The following CNNM2 variants were observed in gnomAD, a reference collection of about 807,000 sequenced individuals.
The protein encoded by CNNM2 is metal transporter CNNM2.
Under a neutral mutation model 66.9 loss-of-function variants are expected in CNNM2, and 12 were observed. The observed-to-expected ratio is 0.18, with a 90% CI of 0.11 to 0.29. The LOEUF (loss-of-function observed/expected upper bound fraction) is 0.29, where lower values mean the gene tolerates loss of function less well. Ranked by LOEUF, CNNM2 falls within the 10% of genes least tolerant of loss-of-function variation. The probability of loss-of-function intolerance (pLI) is 1.00; values close to 1 mark genes in which losing one functional copy is unlikely to be tolerated. For missense variants in CNNM2, 705 were observed against 1,167.7 expected (o/e 0.60, Z 5.77); for synonymous variants, 557 against 501.8 (o/e 1.11, Z -1.47).
chr10:103,019,139 T>A (rs1040143100), intron 1 of CNNM2, among the ~76,000 whole-genome samples: 1 of 151,616 alleles, frequency 6.6e-6, no homozygotes. Flanking sequence ...TGTGGTGGCA[T>A]ACACCTGTAG....
intron 1 of CNNM2, among the ~76,000 whole-genome samples, chr10:103,045,310 G>T (rs2065108836): frequency 6.6e-6 from 1 of 152,134 alleles, no homozygotes; most frequent in South Asian, 2.1e-4. Context: ...GCATGCTAGG[G>T]ATGAAGATTG....
chr10:103,063,705 C>A, intron 4 of CNNM2, among the ~76,000 whole-genome samples: 1 of 152,270 alleles, frequency 6.6e-6, no homozygotes, highest in Non-Finnish European at 1.5e-5. Flanking sequence ...CTTCCAAGTT[C>A]GTCAGTTTAT....
intron 1 of CNNM2, among the ~76,000 whole-genome samples, chr10:102,954,175 TG>T (rs1444000072): frequency 3.3e-5 from 5 of 150,326 alleles, no homozygotes; most frequent in Non-Finnish European, 4.4e-5. Context: ...ATCAGGAGGC[TG>T]GAGTGCAGTG....
At chr10:102,981,809 G>A (rs1338818866) in intron 1 of CNNM2, among the ~76,000 whole-genome samples, 2 of 151,306 alleles carry the variant, frequency 1.3e-5, no homozygotes, top group Admixed American at 6.6e-5. Flanking sequence ...TTGGCCATAT[G>A]TCTAGGATAG....
intron 6 of CNNM2, among the ~76,000 whole-genome samples, chr10:103,073,121 A>G (rs932863155): frequency 4.6e-5 from 7 of 152,334 alleles, no homozygotes; most frequent in African/African-American, 1.4e-4. Context: ...TGAAAGGGAC[A>G]TGGAAGGCAG....
intron 1 of CNNM2, among the ~76,000 whole-genome samples, chr10:103,041,736 GAC>G (rs1223419053): frequency 1.3e-5 from 2 of 152,234 alleles, no homozygotes; most frequent in South Asian, 2.1e-4. Context: ...TGCTATTTGG[GAC>G]AGTTTTTGTT....
intron 1 of CNNM2, among the ~76,000 whole-genome samples, chr10:102,986,394 A>T (rs911084523): frequency 5.3e-5 from 8 of 151,974 alleles, no homozygotes; most frequent in African/African-American, 1.9e-4. Context: ...ACCATTTGTA[A>T]AGCCTCAGAA....
chr10:102,972,502 T>G (rs113970301), intron 1 of CNNM2, among the ~76,000 whole-genome samples: 19 of 152,192 alleles, frequency 1.2e-4, no homozygotes, highest in Admixed American at 7.2e-4. Flanking sequence ...ACGGGCGTGG[T>G]GGCGGGCGCC....
rs1267198084 is a variant in CNNM2, at chr10:102,918,954, C to T, written c.474C>T (p.Ile158=). ...GCGGCATCCGCACCTCAGACATCAT[C>T]ATCTTGCCCCACATCATTCTCAACC... The part of the protein sequence containing the change: ...QRCGIRTSDI[I]ILPHIILNRR... The change falls in exon 1 of 8, where the codon ATC becomes ATT. Residue 158 remains isoleucine, a synonymous_variant. Coordinates refer to ENST00000369878, the MANE Select transcript of CNNM2 (RefSeq NM_017649.5). This position sits in a 1 kb window ranked among gnomAD's most constrained non-coding sequence, Gnocchi z 4.1. 2 of 1,612,404 alleles carry T rather than the reference C, an allele frequency of 1.2e-6. No homozygotes were observed. Among genetic ancestry groups the T allele is most frequent in the Non-Finnish European group, 1.7e-6 (2 of 1,179,464 alleles).
At chr10:102,929,702 G>A (rs949152557) in intron 1 of CNNM2, among the ~76,000 whole-genome samples, 56 of 152,132 alleles carry the variant, frequency 3.7e-4, no homozygotes, top group Middle Eastern at 3.4e-3. Flanking sequence ...TTGTTTATCC[G>A]CTCATCCGTT....
At position 103,086,197 on chromosome 10, in the gene CNNM2, A is replaced by G. The variant is rs1462479871; in HGVS notation, c.*9017A>G. 1 of 152,200 alleles carries G rather than the reference A, an allele frequency of 6.6e-6. No individual in the cohort carries two copies. The allele number at this position is 152,200 out of a possible 1,614,324, so 9.4% of individuals were successfully genotyped here. On this transcript the variant is annotated 3_prime_UTR_variant, in exon 8 of 8. Coordinates refer to ENST00000369878, the MANE Select transcript of CNNM2 (RefSeq NM_017649.5). ...GAGATTTCACTCTCAGGGCCTCCCAAAAGTTGTGTATCATTTGAAATTGTT... is the reference window on the plus strand; with the variant it reads ...GAGATTTCACTCTCAGGGCCTCCCAGAAGTTGTGTATCATTTGAAATTGTT...
At chr10:102,981,669 A>G (rs1191837738) in intron 1 of CNNM2, among the ~76,000 whole-genome samples, 1 of 151,956 alleles carries the variant, frequency 6.6e-6, no homozygotes, top group Non-Finnish European at 1.5e-5. Flanking sequence ...CTGGGATTAT[A>G]GGGATACACC....
In CNNM2 at chr10:102,937,932, C is replaced by T. The variant is rs564057456; in HGVS notation, c.1621+17831C>T. Among the ~76,000 whole-genome samples, 281 of 151,954 alleles carry T rather than the reference C, an allele frequency of 1.8e-3. 3 individuals are homozygous for T. The highest frequency in any genetic ancestry group is 6.8e-3 in the Middle Eastern group (2 of 292). Reference sequence around the variant, plus strand: ...GAGCCACTGCACCCAACCCCAGAAACGTTTAATTTAACTATAGGATAAGTT... The same window carrying T: ...GAGCCACTGCACCCAACCCCAGAAATGTTTAATTTAACTATAGGATAAGTT... On this transcript the variant is annotated intron_variant, in intron 1 of 7. Transcript: ENST00000369878.
intron 1 of CNNM2, among the ~76,000 whole-genome samples, chr10:102,963,295 C>T (rs2063412956): frequency 6.6e-6 from 1 of 152,174 alleles, no homozygotes; most frequent in Non-Finnish European, 1.5e-5. Context: ...CCTTCACCAC[C>T]ACCCCCTTTC....
intron 1 of CNNM2, among the ~76,000 whole-genome samples, chr10:102,997,177 T>C (rs2134250026): frequency 6.6e-6 from 1 of 152,200 alleles, no homozygotes; most frequent in East Asian, 1.9e-4. Flanking sequence ...GAGAATGGAA[T>C]TCTAGATTGA....
intron 3 of CNNM2, among the ~76,000 whole-genome samples, chr10:103,055,463 CTA>C (rs758699856): frequency 2.0e-5 from 3 of 152,236 alleles, no homozygotes; most frequent in Admixed American, 6.5e-5. Flanking sequence ...GAATCTAAAA[CTA>C]TGTGTACATT....
intron 1 of CNNM2, among the ~76,000 whole-genome samples, chr10:102,971,892 G>C (rs888342818): frequency 6.6e-6 from 1 of 152,118 alleles, no homozygotes; most frequent in Non-Finnish European, 1.5e-5. Context: ...TCTTCAGTGA[G>C]ACTGAACATT....
rs2065260187 is a variant in CNNM2, at chr10:103,054,194, C to T, written c.1766-135C>T. 1.1e-6 allele frequency: 1 copy of T among 944,606 alleles called. No individual in the cohort carries two copies. The highest frequency in any genetic ancestry group is 1.8e-5 in the South Asian group (1 of 56,626). 58.5% of individuals were successfully genotyped at this position (944,606 alleles called of 1,614,324 possible). A position where few individuals can be genotyped will look rare whatever the true frequency, so the allele number is the denominator to read the frequency against. ...GCTCTCCCTCCCTCCTTCCCCGTGG[C>T]ATCTGTGCATAGAGCGCCTGCATCT... On this transcript the variant is annotated intron_variant, in intron 2 of 7. Transcript: ENST00000369878. This position sits in a 1 kb window ranked among gnomAD's most constrained non-coding sequence, Gnocchi z 5.2.
rs1408043048 is a variant in CNNM2, at chr10:103,088,639, G to A, written c.*11459G>A. 8 of 168,170 alleles carry A rather than the reference G, an allele frequency of 4.8e-5. No homozygotes were observed. Among genetic ancestry groups the A allele is most frequent in the African/African-American group, 7.2e-5 (3 of 41,930 alleles). The allele number at this position is 168,170 out of a possible 1,614,324, so 10.4% of individuals were successfully genotyped here. ...CGACCTCAGGTGATCCGCCTGTCTC[G>A]GCCTCCCAAAGTGCTGGGATTACAG... On this transcript the variant is annotated 3_prime_UTR_variant, in exon 8 of 8. Coordinates refer to ENST00000369878, the MANE Select transcript of CNNM2 (RefSeq NM_017649.5).
Sources: gnomAD v4.1 joint callset for allele counts (sites outside exome capture counted in the v4.1 genomes callset) on GRCh38, gnomAD v4.1.1 for gene constraint, Gnocchi (gnomAD v3.1) non-coding constraint, MANE v1.5 for transcripts, NCBI Gene and HGNC (gene_info 2026-07-23, HGNC 2026-07-21) for gene names.